GSPT1: variants seen among roughly 807,000 people sequenced by gnomAD.
GSPT1 encodes the protein eukaryotic peptide chain release factor GTP-binding subunit ERF3A.
In GSPT1, 20 loss-of-function variants were observed where a neutral mutation model predicts 72.5. The observed-to-expected ratio is 0.28, with a 90% CI of 0.19 to 0.40. The LOEUF is 0.40. Among genes scored for constraint, GSPT1 ranks in the 10% least tolerant of loss-of-function variants. GSPT1 has a pLI of 1.00. For missense variants in GSPT1, 580 were observed against 811.9 expected, an observed-to-expected ratio of 0.71 and a Z score of 3.47; for synonymous variants, 334 against 293.5, an observed-to-expected ratio of 1.14 and a Z score of -1.41.
intron 11 of GSPT1, among the ~76,000 whole-genome samples, chr16:11,879,386 T>C (rs2141277387): frequency 6.7e-6 from 1 of 149,784 alleles, no homozygotes; most frequent in Non-Finnish European, 1.5e-5. Context: ...AGAAGGAGAC[T>C]CCGTCTCAAA....
chr16:11,901,736 G>C (rs1261608004), intron 1 of GSPT1, among the ~76,000 whole-genome samples: 1 of 151,630 alleles, frequency 6.6e-6, no homozygotes, highest in African/African-American at 2.4e-5. Context: ...AGGTCGCAGT[G>C]AGCCAAGATT....
chr16:11,889,781 C>T (rs958055711), intron 6 of GSPT1, among the ~76,000 whole-genome samples: 5 of 151,690 alleles, frequency 3.3e-5, no homozygotes, highest in South Asian at 2.1e-4. Flanking sequence ...GCTGGGATTA[C>T]AGGCGTGAGA....
chr16:11,909,032 C>T (rs902749889), intron 1 of GSPT1: 1 of 151,610 alleles, frequency 6.6e-6, no homozygotes, highest in Non-Finnish European at 1.5e-5. Context: ...TGGTAACATA[C>T]TGGAGTTCTA....
intron 14 of GSPT1, among the ~76,000 whole-genome samples, chr16:11,874,267 T>G (rs2054012285): frequency 6.6e-6 from 1 of 152,006 alleles, no homozygotes; most frequent in Non-Finnish European, 1.5e-5. Context: ...TTTCATATTA[T>G]GGAAATTGTA....
rs1277547263 is a variant in GSPT1 at position 11,886,524 on chromosome 16, T to G, written c.1200A>C (p.Ser400=). Residue 400 remains serine (S), a synonymous_variant, in exon 9 of 15, where the codon TCA becomes TCC. Transcript: ENST00000434724. The part of the protein sequence containing the change: ...PKKDIHFMPC[S]GLTGANLKEQ... ...CTTTGAGATTTGCTCCAGTAAGTCCTGAGCAGGGCATAAAGTGAATGTCCT... is the reference window on the plus strand; with the variant it reads ...CTTTGAGATTTGCTCCAGTAAGTCCGGAGCAGGGCATAAAGTGAATGTCCT... The G allele has an allele frequency of 6.2e-7, 1 of 1,612,548 alleles. No homozygotes were observed. Among genetic ancestry groups the G allele is most frequent in the Non-Finnish European group, 8.5e-7 (1 of 1,178,614 alleles).
rs556844934 is a variant in GSPT1 at position 11,869,562 on chromosome 16, A to G, written c.*3557T>C. 1 of 152,348 alleles carries G rather than the reference A, an allele frequency of 6.6e-6. No individual in the cohort carries two copies. Among genetic ancestry groups the G allele is most frequent in the South Asian group, 2.1e-4 (1 of 4,830 alleles). 9.4% of individuals were successfully genotyped at this position (152,348 alleles called of 1,614,324 possible). ...AAATCAGAGCTATAGTGCTATAACC[A>G]CATTTTTCACAAAGGGTTTTAAAGT... is the stretch of plus-strand genomic sequence containing the variant. On this transcript the variant is annotated 3_prime_UTR_variant, in exon 15 of 15. Coordinates refer to ENST00000434724, the MANE Select transcript of GSPT1 (RefSeq NM_002094.4).
At chr16:11,910,338 C>T (rs980924992) in intron 1 of GSPT1, among the ~76,000 whole-genome samples, 6 of 152,192 alleles carry the variant, frequency 3.9e-5, no homozygotes, top group Non-Finnish European at 5.9e-5. Context: ...GGCTCACTTA[C>T]CACACTGTGA....
intron 4 of GSPT1, 46 bp downstream of exon 4, chr16:11,896,512 A>C: frequency 2.0e-6 from 2 of 1,024,888 alleles, no homozygotes; most frequent in African/African-American, 1.6e-5. Context: ...AGGATGTTCT[A>C]TGTTTTATGT....
chr16:11,890,429 T>C (rs1165565628), intron 6 of GSPT1, among the ~76,000 whole-genome samples: 1 of 152,182 alleles, frequency 6.6e-6, no homozygotes, highest in East Asian at 1.9e-4. Flanking sequence ...TGGGCATTAA[T>C]TTAGCTTACC....
chr16:11,874,723 G>A (rs747806960), intron 14 of GSPT1, among the ~76,000 whole-genome samples: 15 of 151,964 alleles, frequency 9.9e-5, no homozygotes, highest in Non-Finnish European at 1.8e-4. Context: ...TAAAGTTCAG[G>A]AACTGTATTC....
intron 1 of GSPT1, among the ~76,000 whole-genome samples, chr16:11,904,550 A>T (rs1331960991): frequency 6.6e-6 from 1 of 151,264 alleles, no homozygotes; most frequent in Non-Finnish European, 1.5e-5. Context: ...AGAGTGTACA[A>T]TTTTTTTTTA....
intron 1 of GSPT1, among the ~76,000 whole-genome samples, chr16:11,902,951 A>C (rs766010807): frequency 6.6e-6 from 1 of 151,858 alleles, no homozygotes; most frequent in Non-Finnish European, 1.5e-5. Flanking sequence ...TCCTGAGCTC[A>C]AGCAATCCAC....
chr16:11,895,774 A>C (rs1436893212), intron 4 of GSPT1, among the ~76,000 whole-genome samples: 1 of 152,092 alleles, frequency 6.6e-6, no homozygotes, highest in Non-Finnish European at 1.5e-5. Flanking sequence ...TTACAGGCTC[A>C]TGCCACCACA....
At chr16:11,879,643 G>A (rs2054095314) in intron 11 of GSPT1, among the ~76,000 whole-genome samples, 1 of 150,598 alleles carries the variant, frequency 6.6e-6, no homozygotes, top group African/African-American at 2.5e-5. Flanking sequence ...TGAGGCAGGA[G>A]CATTGCTTGA....
chr16:11,874,761 C>T (rs970044697), intron 14 of GSPT1, among the ~76,000 whole-genome samples: 6 of 152,128 alleles, frequency 3.9e-5, no homozygotes, highest in African/African-American at 1.4e-4. Flanking sequence ...CAGTTCCTGA[C>T]ACTTTGTAGA....
chr16:11,880,198 A>G (rs2054104521), intron 11 of GSPT1: 1 of 152,242 alleles, frequency 6.6e-6, no homozygotes, highest in South Asian at 2.1e-4. Context: ...GCAATATTCT[A>G]TTACGTGTAT....
intron 1 of GSPT1, among the ~76,000 whole-genome samples, chr16:11,911,710 G>A (rs2054559572): frequency 6.6e-6 from 1 of 151,734 alleles, no homozygotes; most frequent in African/African-American, 2.4e-5. Context: ...GCACCACCAT[G>A]CCTGGCTAAT....
intron 14 of GSPT1, among the ~76,000 whole-genome samples, chr16:11,873,660 T>G (rs868323399): frequency 6.6e-6 from 1 of 152,100 alleles, no homozygotes; most frequent in African/African-American, 2.4e-5. Flanking sequence ...CGACTTCAGC[T>G]GACTGCAACC....
intron 5 of GSPT1, among the ~76,000 whole-genome samples, chr16:11,892,938 C>G (rs1032581992): frequency 6.6e-6 from 1 of 150,728 alleles, no homozygotes; most frequent in Non-Finnish European, 1.5e-5. Flanking sequence ...ACTAATTTCA[C>G]CAGTAATAAG....
Sources: gnomAD v4.1 joint callset for allele counts (sites outside exome capture counted in the v4.1 genomes callset) on GRCh38, gnomAD v4.1.1 for gene constraint, MANE v1.5 for transcripts, NCBI Gene and HGNC (gene_info 2026-07-23, HGNC 2026-07-21) for gene names.